Variants in PCED1B observed in about 807,000 individuals in gnomAD.
The protein encoded by PCED1B is PC-esterase domain containing 1B, also known as PC-esterase domain-containing protein 1B.
For missense variants in PCED1B, 573 were observed against 573.9 expected (o/e 1.00, Z 0.02); for synonymous variants, 251 against 246.1 (o/e 1.02, Z -0.19).
chr12:47,145,968 G>C (rs547369095), intron 2 of PCED1B, among the ~76,000 whole-genome samples: 3 of 152,170 alleles, frequency 2.0e-5, no homozygotes, highest in African/African-American at 4.8e-5. Context: ...TCCTCTGATT[G>C]ATCTGGGCAA....
intron 2 of PCED1B, among the ~76,000 whole-genome samples, chr12:47,173,006 C>T (rs541977766): frequency 6.6e-6 from 1 of 152,084 alleles, no homozygotes; most frequent in African/African-American, 2.4e-5. Flanking sequence ...GAAGACAGGA[C>T]AATAAAGAGG....
chr12:47,086,521 C>A (rs972472718), intron 1 of PCED1B, among the ~76,000 whole-genome samples: 4 of 151,998 alleles, frequency 2.6e-5, no homozygotes, highest in African/African-American at 9.7e-5. Flanking sequence ...TTTTCTTTGT[C>A]ATAATTATAT....
At chr12:47,088,595 T>A (rs1345173088) in intron 1 of PCED1B, among the ~76,000 whole-genome samples, 1 of 152,158 alleles carries the variant, frequency 6.6e-6, no homozygotes, top group Non-Finnish European at 1.5e-5. Context: ...AAATAAAAAA[T>A]AATAATAATC....
At chr12:47,188,201 C>T (rs1942334233) in intron 2 of PCED1B, among the ~76,000 whole-genome samples, 1 of 152,058 alleles carries the variant, frequency 6.6e-6, no homozygotes, top group South Asian at 2.1e-4. Flanking sequence ...TCTTTGGGTT[C>T]CCAGCATCTA....
intron 3 of PCED1B, among the ~76,000 whole-genome samples, chr12:47,228,455 G>A (rs1203169389): frequency 6.6e-6 from 1 of 152,152 alleles, no homozygotes. Context: ...AGAGGAGAGG[G>A]TTGCCTGACT....
chr12:47,093,340 T>C lies in PCED1B; in HGVS notation c.-608-10773T>C, dbSNP rs73284493. Among the ~76,000 whole-genome samples the C allele has an allele frequency of 3.6e-3, 549 of 151,796 alleles. 3 individuals carry two copies. Among genetic ancestry groups the C allele is most frequent in the African/African-American group, 0.013 (525 of 41,360 alleles). On this transcript the variant is annotated intron_variant, in intron 1 of 3. Coordinates refer to ENST00000546455, the MANE Select transcript of PCED1B (RefSeq NM_138371.3). ...ATCTATAGTGATATCTCCTTTTTCA[T>C]TGCTGTTGTTGCGAATTTGTTTTGT...
At chr12:47,139,109 A>C (rs1940494764) in intron 2 of PCED1B, among the ~76,000 whole-genome samples, 1 of 152,220 alleles carries the variant, frequency 6.6e-6, no homozygotes, top group East Asian at 1.9e-4. Flanking sequence ...CCTAGTACTG[A>C]GAATAGTGAC....
intron 2 of PCED1B, chr12:47,135,725 G>C (rs1940331035): frequency 1.9e-6 from 1 of 532,268 alleles, no homozygotes; most frequent in Admixed American, 1.9e-5. Context: ...ATAGGGACCA[G>C]ACGACATGGT....
chr12:47,157,855 G>T (rs2137486523), intron 2 of PCED1B, among the ~76,000 whole-genome samples: 1 of 152,174 alleles, frequency 6.6e-6, no homozygotes, highest in East Asian at 1.9e-4. Flanking sequence ...CTGTCTCTAT[G>T]ATTTTGACTT....
At position 47,084,358 on chromosome 12, in the gene PCED1B, C is replaced by T. The variant is rs78001625; in HGVS notation, c.-609+4633C>T. Reference sequence around the variant, plus strand: ...TACTGAATGTGTATCACTTTTGCACCATTGTAAAGTTGAAACATCCTAAGG... The same window carrying T: ...TACTGAATGTGTATCACTTTTGCACTATTGTAAAGTTGAAACATCCTAAGG... On this transcript the variant is annotated intron_variant, in intron 1 of 3. Transcript: ENST00000546455. Among the ~76,000 whole-genome samples, 485 of 152,196 alleles carry T rather than the reference C, an allele frequency of 3.2e-3. 5 individuals carry two copies. Among genetic ancestry groups the T allele is most frequent in the African/African-American group, 0.011 (463 of 41,514 alleles).
intron 1 of PCED1B, among the ~76,000 whole-genome samples, chr12:47,100,561 C>A (rs1314009530): frequency 6.6e-6 from 1 of 152,132 alleles, no homozygotes; most frequent in African/African-American, 2.4e-5. Flanking sequence ...GTTCAGATTT[C>A]CATTCAAAAT....
At chr12:47,086,907 A>G (rs2137153468) in intron 1 of PCED1B, among the ~76,000 whole-genome samples, 1 of 152,346 alleles carries the variant, frequency 6.6e-6, no homozygotes. Flanking sequence ...CTAATTTATC[A>G]TAGCTTTATA....
At chr12:47,095,796 C>A (rs948662869) in intron 1 of PCED1B, among the ~76,000 whole-genome samples, 2 of 152,092 alleles carry the variant, frequency 1.3e-5, no homozygotes, top group South Asian at 4.1e-4. Context: ...TAGTGAAATT[C>A]TCCTTTTATT....
chr12:47,192,180 T>G (rs902625100), intron 2 of PCED1B, among the ~76,000 whole-genome samples: 23 of 151,852 alleles, frequency 1.5e-4, no homozygotes, highest in African/African-American at 4.8e-4. Context: ...TTTGTTTTTT[T>G]TTTTTTGCCT....
chr12:47,207,727 A>G (rs1942953972), intron 2 of PCED1B, among the ~76,000 whole-genome samples: 1 of 152,230 alleles, frequency 6.6e-6, no homozygotes, highest in African/African-American at 2.4e-5. Context: ...AAGAACTTGC[A>G]TCAGTCTTGT....
intron 2 of PCED1B, among the ~76,000 whole-genome samples, chr12:47,120,789 GA>G (rs1317485055): frequency 1.3e-5 from 2 of 152,028 alleles, no homozygotes; most frequent in Non-Finnish European, 2.9e-5. Context: ...GTGACAGAGT[GA>G]AATTCCATCT....
intron 3 of PCED1B, among the ~76,000 whole-genome samples, chr12:47,228,788 G>T (rs969976538): frequency 6.6e-6 from 1 of 151,446 alleles, no homozygotes; most frequent in Admixed American, 6.6e-5. Flanking sequence ...CAGGAGAATC[G>T]CTTGAACCTG....
intron 2 of PCED1B, among the ~76,000 whole-genome samples, chr12:47,146,421 C>T (rs1940785990): frequency 6.6e-6 from 1 of 152,134 alleles, no homozygotes; most frequent in African/African-American, 2.4e-5. Context: ...GAAATAAGTC[C>T]TACTGTGGGT....
intron 1 of PCED1B, among the ~76,000 whole-genome samples, chr12:47,090,183 G>A (rs1044347669): frequency 3.3e-5 from 5 of 152,052 alleles, no homozygotes; most frequent in African/African-American, 4.8e-5. Flanking sequence ...GCCCAATAAC[G>A]GAGAATGCAA....
Sources: allele counts gnomAD v4.1 joint callset (sites outside exome capture counted in the v4.1 genomes callset), GRCh38; gene constraint gnomAD v4.1.1; transcripts MANE v1.5; gene names NCBI Gene and HGNC (gene_info 2026-07-23, HGNC 2026-07-21).